Variants in THADA observed in about 807,000 individuals in gnomAD.
THADA encodes the protein THADA armadillo repeat containing.
THADA carries 213 observed loss-of-function variants against 219.8 expected under a neutral mutation model. The observed-to-expected ratio is 0.97, with a 90% CI of 0.87 to 1.09. The LOEUF (loss-of-function observed/expected upper bound fraction) is 1.09. Ranked by LOEUF, THADA falls within the 50% of genes least tolerant of loss-of-function variation. The pLI, the probability that THADA is intolerant of heterozygous loss-of-function variation, is 0.00. For synonymous variants in THADA, 1,018 were observed against 828.9 expected (o/e 1.23, Z -3.92); for missense variants, 2,956 against 2,311.3 (o/e 1.28, Z -5.72).
At chr2:43,425,446 A>AAGTG (rs1678294292) in intron 28 of THADA, among the ~76,000 whole-genome samples, 1 of 140,410 alleles carries the variant, frequency 7.1e-6, no homozygotes, top group Admixed American at 7.2e-5. Flanking sequence ...TTAAAATTGT[A>AAGTG]TGTGTGTGTG....
At chr2:43,323,800 G>A (rs983271413) in intron 30 of THADA, among the ~76,000 whole-genome samples, 1 of 152,158 alleles carries the variant, frequency 6.6e-6, no homozygotes, top group Non-Finnish European at 1.5e-5. Flanking sequence ...ACTTCCAACC[G>A]GGCCATGTAA....
chr2:43,363,316 C>T (rs1468604179), intron 29 of THADA, among the ~76,000 whole-genome samples: 1 of 152,190 alleles, frequency 6.6e-6, no homozygotes, highest in African/African-American at 2.4e-5. Flanking sequence ...CATTGTGCTA[C>T]ATCATTAGGC....
At chr2:43,507,349 G>C (rs1056139719) in intron 23 of THADA, among the ~76,000 whole-genome samples, 1 of 152,176 alleles carries the variant, frequency 6.6e-6, no homozygotes, top group Admixed American at 6.5e-5. Flanking sequence ...TTGGGCACCA[G>C]AGCTGAAAGA....
At position 43,400,472 on chromosome 2, in the gene THADA, TATATAA is replaced by T. The variant is rs1202972088; in HGVS notation, c.4059-2339_4059-2334del. 4.0e-4 allele frequency among the ~76,000 whole-genome samples: 57 copies of T among 144,104 alleles called. 4 individuals carry two copies. Among genetic ancestry groups the T allele is most frequent in the Admixed American group, 1.1e-3 (16 of 14,558 alleles). 94.5% of individuals were successfully genotyped at this position (144,104 alleles called of 152,430 possible). ...ATAGACAAATTTATATATATATATA[TATATAA>T]ATATATACACTAAGAAAAAAAATTT... is the stretch of plus-strand genomic sequence containing the variant. On this transcript the variant is annotated intron_variant, in intron 28 of 37. Transcript: ENST00000405975.
chr2:43,328,396 A>C (rs1420601892), intron 30 of THADA, among the ~76,000 whole-genome samples: 1 of 152,130 alleles, frequency 6.6e-6, no homozygotes, highest in Non-Finnish European at 1.5e-5. Context: ...CCCAACATCC[A>C]TCCTGCCTTT....
chr2:43,498,564 G>A (rs1354913512), intron 25 of THADA, among the ~76,000 whole-genome samples: 1 of 151,936 alleles, frequency 6.6e-6, no homozygotes, highest in African/African-American at 2.4e-5. Flanking sequence ...CTTGAGAGTA[G>A]TCTGTGATCA....
chr2:43,460,238 T>TAAAAAAAAAAA lies in THADA; in HGVS notation c.3836+24985_3836+24995dup, dbSNP rs10560565. Among the ~76,000 whole-genome samples, 6 of 63,542 alleles carry TAAAAAAAAAAA rather than the reference T, an allele frequency of 9.4e-5. 1 individual carries two copies. The highest frequency in any genetic ancestry group is 3.5e-4 in the African/African-American group (6 of 17,010). The allele number at this position is 63,542 out of a possible 152,430, so 41.7% of individuals were successfully genotyped here. On this transcript the variant is annotated intron_variant, in intron 26 of 37. Transcript: ENST00000405975. ...ATCTTAGAAACAAGCTTTCTCTTAA[T>TAAAAAAAAAAA]AAAAAAAAAAAAAAAAAAAAAAAAA... is the stretch of plus-strand genomic sequence containing the variant.
chr2:43,493,278 C>T (rs561038659), intron 25 of THADA, among the ~76,000 whole-genome samples: 4 of 152,236 alleles, frequency 2.6e-5, no homozygotes, highest in Non-Finnish European at 4.4e-5. Context: ...GGGTGGATCA[C>T]GAGGTCAAGA....
intron 13 of THADA, among the ~76,000 whole-genome samples, chr2:43,571,125 G>A (rs1380317841): frequency 1.3e-5 from 2 of 152,134 alleles, no homozygotes; most frequent in Non-Finnish European, 1.5e-5. Context: ...GCATGGTGGT[G>A]TGCCCCTGTC....
In THADA at chr2:43,552,927, G is replaced by A. The variant is rs1452752221; in HGVS notation, c.2675-588C>T. On this transcript the variant is annotated intron_variant, in intron 17 of 37. Coordinates refer to ENST00000405975, the MANE Select transcript of THADA (RefSeq NM_022065.5). ...TTCCATTTATGATACGTCCAGAGTAGGCAAATCTATAGACAGAAAATAAAC... is the reference window on the plus strand; with the variant it reads ...TTCCATTTATGATACGTCCAGAGTAAGCAAATCTATAGACAGAAAATAAAC... Among the ~76,000 whole-genome samples the A allele has an allele frequency of 2.0e-5, 3 of 152,086 alleles. No homozygotes were observed. The South Asian group carries it at 6.2e-4, about 31-fold the overall frequency.
At chr2:43,420,068 CT>C (rs1313241192) in intron 28 of THADA, among the ~76,000 whole-genome samples, 1 of 152,172 alleles carries the variant, frequency 6.6e-6, no homozygotes, top group South Asian at 2.1e-4. Flanking sequence ...TTGGATCCCC[CT>C]GACTTTTCAC....
chr2:43,476,538 C>A (rs946445354), intron 26 of THADA, among the ~76,000 whole-genome samples: 3 of 152,090 alleles, frequency 2.0e-5, no homozygotes, highest in East Asian at 3.8e-4. Context: ...TTATTCGCAG[C>A]CAAAAGGATT....
At chr2:43,383,649 T>C (rs528335808) in intron 29 of THADA, among the ~76,000 whole-genome samples, 13 of 152,304 alleles carry the variant, frequency 8.5e-5, no homozygotes, top group African/African-American at 3.1e-4. Flanking sequence ...CAGATTCTAA[T>C]TCAAGAGGGT....
At chr2:43,279,671 C>A in intron 36 of THADA, 94 bp downstream of exon 36, 1 of 1,433,224 alleles carries the variant, frequency 7.0e-7, no homozygotes. Context: ...AAATGACCAA[C>A]AATGCCTAAG....
At chr2:43,358,095 A>G (rs1573248312) in intron 29 of THADA, among the ~76,000 whole-genome samples, 1 of 152,198 alleles carries the variant, frequency 6.6e-6, no homozygotes, top group South Asian at 2.1e-4. Context: ...CATTTTCTAC[A>G]CACGTCCACT....
intron 36 of THADA, among the ~76,000 whole-genome samples, chr2:43,235,039 G>T (rs1667875266): frequency 6.6e-6 from 1 of 151,720 alleles, no homozygotes; most frequent in South Asian, 2.1e-4. Context: ...GTGTGCAGTG[G>T]CGTGATCTCA....
chr2:43,586,514 AAT>A (rs1701042434), intron 6 of THADA, 65 bp from the exon 7 acceptor site: 2 of 1,394,638 alleles, frequency 1.4e-6, no homozygotes, highest in Admixed American at 5.1e-5. Context: ...AATAAAATAA[AAT>A]ATTTTATATC....
chr2:43,528,167 GT>G (rs1406277560), intron 21 of THADA, among the ~76,000 whole-genome samples, 179 bp from the exon 22 acceptor site: 1 of 99,990 alleles, frequency 1.0e-5, no homozygotes, highest in Non-Finnish European at 1.8e-5. Flanking sequence ...TTTTTGCTCT[GT>G]TGTCCAGGCT....
chr2:43,551,718 GAA>G (rs34461850), intron 19 of THADA, 69 bp downstream of exon 19: 599 of 1,168,462 alleles, frequency 5.1e-4, no homozygotes, highest in South Asian at 2.3e-3. Flanking sequence ...AATACTTGGG[GAA>G]AAAAAAAAAG....
Sources: gnomAD v4.1 joint callset for allele counts (sites outside exome capture counted in the v4.1 genomes callset) on GRCh38, gnomAD v4.1.1 for gene constraint, MANE v1.5 for transcripts, NCBI Gene and HGNC (gene_info 2026-07-23, HGNC 2026-07-21) for gene names.